The following APP variants were observed in gnomAD, a reference collection of about 807,000 sequenced individuals.
APP encodes the protein amyloid-beta precursor protein.
A neutral mutation model predicts 101.4 loss-of-function variants in APP; 31 were observed. The ratio of observed to expected loss-of-function variants is 0.31; its 90% CI spans 0.23 to 0.41. APP has a LOEUF of 0.41. Among genes scored for constraint, APP ranks in the 10% least tolerant of loss-of-function variants. The pLI is 1.00. For missense variants in APP, 839 were observed against 1,003.7 expected, an observed-to-expected ratio of 0.84 and a Z score of 2.22; for synonymous variants, 366 against 364.4, an observed-to-expected ratio of 1.00 and a Z score of -0.05.
chr21:26,124,789 G>C (rs1387078215), intron 1 of APP, among the ~76,000 whole-genome samples: 1 of 152,224 alleles, frequency 6.6e-6, no homozygotes, highest in East Asian at 1.9e-4. Flanking sequence ...AGATTTCAAA[G>C]CTGTTTGAGT....
At chr21:25,890,652 T>C (rs1410552148) in intron 17 of APP, among the ~76,000 whole-genome samples, 2 of 150,854 alleles carry the variant, frequency 1.3e-5, no homozygotes, top group Non-Finnish European at 2.9e-5. Flanking sequence ...GACAAGAGAA[T>C]TGCTTGAACC....
At chr21:25,881,819 A>C (rs770110829) in intron 17 of APP, 48 bp from the exon 18 acceptor site, 5 of 1,557,402 alleles carry the variant, frequency 3.2e-6, no homozygotes, top group Non-Finnish European at 4.4e-6. Context: ...TCAATCTTTT[A>C]AGGGTGAACA....
At chr21:26,140,738 C>G (rs1411003287) in intron 1 of APP, among the ~76,000 whole-genome samples, 2 of 152,200 alleles carry the variant, frequency 1.3e-5, no homozygotes, top group East Asian at 3.9e-4. Context: ...CAAAAGCTGT[C>G]TACATTATTT....
intron 4 of APP, among the ~76,000 whole-genome samples, chr21:26,051,714 T>G (rs2045847238): frequency 6.6e-6 from 1 of 152,204 alleles, no homozygotes; most frequent in African/African-American, 2.4e-5. Flanking sequence ...CCACTAAGAA[T>G]CAGAACTTAC....
chr21:25,908,209 G>C (rs1190108446), intron 14 of APP, among the ~76,000 whole-genome samples: 3 of 152,180 alleles, frequency 2.0e-5, no homozygotes, highest in Non-Finnish European at 4.4e-5. Flanking sequence ...CTTCATTTCA[G>C]CCTAGCCATT....
At chr21:26,040,655 G>C (rs1601297093) in intron 5 of APP, among the ~76,000 whole-genome samples, 1 of 150,538 alleles carries the variant, frequency 6.6e-6, no homozygotes, top group African/African-American at 2.4e-5. Context: ...TGTAATCCTC[G>C]GGAGACTGAG....
intron 2 of APP, among the ~76,000 whole-genome samples, chr21:26,098,446 A>G (rs1284109776): frequency 6.6e-6 from 1 of 152,150 alleles, no homozygotes; most frequent in African/African-American, 2.4e-5. Flanking sequence ...AGAAATGTAT[A>G]TATTAAAAAA....
chr21:25,928,328 C>T (rs897095962), intron 13 of APP, among the ~76,000 whole-genome samples: 3 of 143,698 alleles, frequency 2.1e-5, no homozygotes, highest in Admixed American at 7.3e-5. Context: ...GGCGACAGAG[C>T]GAGACTCCAT....
intron 14 of APP, among the ~76,000 whole-genome samples, chr21:25,907,390 C>A: frequency 6.6e-6 from 1 of 152,140 alleles, no homozygotes; most frequent in East Asian, 1.9e-4. Context: ...TACACACCAA[C>A]AAAACAAAGT....
At chr21:25,895,652 G>A (rs759451564) in intron 16 of APP, among the ~76,000 whole-genome samples, 12 of 152,144 alleles carry the variant, frequency 7.9e-5, no homozygotes, top group Non-Finnish European at 1.6e-4. Flanking sequence ...TAGCAATCTG[G>A]AAAGGCAATA....
chr21:26,001,931 C>T (rs1280024940), intron 6 of APP, among the ~76,000 whole-genome samples: 1 of 152,268 alleles, frequency 6.6e-6, no homozygotes, highest in Non-Finnish European at 1.5e-5. Context: ...ACCCAATTCA[C>T]TTTTAATAAA....
At chr21:25,960,284 C>CT (rs36045785) in intron 11 of APP, among the ~76,000 whole-genome samples, 12,447 of 152,150 alleles carry the variant, frequency 0.082, 615 homozygotes, top group Non-Finnish European at 0.11. Flanking sequence ...GGTCTAGGTG[C>CT]TGGGGTGATT....
At chr21:25,997,540 T>C in intron 7 of APP, 124 bp from the exon 8 acceptor site, 1 of 842,030 alleles carries the variant, frequency 1.2e-6, no homozygotes, top group South Asian at 1.4e-5. Context: ...TTAGGTTTGG[T>C]CCCTCCAACA....
At chr21:25,971,864 C>G (rs760355529) in intron 11 of APP, among the ~76,000 whole-genome samples, 3 of 152,146 alleles carry the variant, frequency 2.0e-5, no homozygotes. Context: ...CCTAACAAAT[C>G]TAAAAATGCA....
At chr21:25,958,556 C>CGA (rs1555903596) in intron 11 of APP, among the ~76,000 whole-genome samples, 1 of 374 alleles carries the variant, frequency 2.7e-3, no homozygotes, top group African/African-American at 0.012. Context: ...GGATTACAGG[C>CGA]GTGCGACCAG....
intron 7 of APP, among the ~76,000 whole-genome samples, chr21:25,998,321 G>A (rs1246747170): frequency 6.7e-6 from 1 of 150,248 alleles, no homozygotes; most frequent in Non-Finnish European, 1.5e-5. Flanking sequence ...TGACCTAATT[G>A]ACTGCTTTGT....
At chr21:25,958,775 AATC>A (rs1231353893) in intron 11 of APP, among the ~76,000 whole-genome samples, 1 of 152,184 alleles carries the variant, frequency 6.6e-6, no homozygotes, top group Non-Finnish European at 1.5e-5. Context: ...CTTATCTATA[AATC>A]ATCGACCCCT....
At chr21:25,957,687 G>A (rs1022137186) in intron 11 of APP, among the ~76,000 whole-genome samples, 5 of 151,232 alleles carry the variant, frequency 3.3e-5, no homozygotes, top group African/African-American at 1.2e-4. Context: ...ATTTTTAAGA[G>A]TTTAAATAAG....
chr21:26,164,727 G>C (rs560571594), intron 1 of APP, among the ~76,000 whole-genome samples: 6 of 151,754 alleles, frequency 4.0e-5, no homozygotes, highest in Non-Finnish European at 8.8e-5. Context: ...ATGGTGGCGA[G>C]TGCCCATAGT....
Sources: gnomAD v4.1 joint callset for allele counts (sites outside exome capture counted in the v4.1 genomes callset) on GRCh38, gnomAD v4.1.1 for gene constraint, MANE v1.5 for transcripts, NCBI Gene and HGNC (gene_info 2026-07-23, HGNC 2026-07-21) for gene names.